The following SLC4A2 variants were observed in gnomAD, a reference collection of about 807,000 sequenced individuals.
The protein encoded by SLC4A2 is solute carrier family 4 member 2.
In SLC4A2, 36 loss-of-function variants were observed where a neutral mutation model predicts 115.0. The observed-to-expected ratio is 0.31, with a 90% confidence interval of 0.24 to 0.41. The LOEUF is 0.41. SLC4A2 is among the 10% of genes least tolerant of loss of function. The probability of loss-of-function intolerance (pLI) is 1.00; values close to 1 mark genes in which losing one functional copy is unlikely to be tolerated. For missense variants in SLC4A2, 1,252 were observed against 1,705.6 expected, an observed-to-expected ratio of 0.73 and a Z score of 4.68; for synonymous variants, 708 against 708.3, an observed-to-expected ratio of 1.00 and a Z score of 0.01.
In SLC4A2 at chr7:151,072,151, G is replaced by T; in HGVS notation, c.2535+15G>T. On this transcript the variant is annotated intron_variant, in intron 16 of 22. Coordinates refer to ENST00000413384, the MANE Select transcript of SLC4A2 (RefSeq NM_003040.4). ...AGCTGGTGAAGGTGGGCAGGCCCCT[G>T]CCGAGAGCTGGGCCAGGAGGGCCGA... 6.2e-7 allele frequency: 1 copy of T among 1,609,362 alleles called. No homozygotes were observed. Among genetic ancestry groups the T allele is most frequent in the South Asian group, 1.1e-5 (1 of 90,994 alleles).
chr7:151,065,264 C>T (rs1417666171), intron 5 of SLC4A2, among the ~76,000 whole-genome samples: 1 of 152,182 alleles, frequency 6.6e-6, no homozygotes, highest in Non-Finnish European at 1.5e-5. Flanking sequence ...AAGCTGCCTC[C>T]CACCCCTGCC....
chr7:151,069,900 G>A, intron 8 of SLC4A2, 47 bp from the exon 9 acceptor site: 1 of 1,612,608 alleles, frequency 6.2e-7, no homozygotes, highest in Non-Finnish European at 8.5e-7. Context: ...TCCTGCCACT[G>A]TTTTGTGACC....
rs376486251 is a variant in SLC4A2 at position 151,076,004 on chromosome 7, G to A, written c.3472-9G>A. 80 of 1,573,638 alleles carry A rather than the reference G, an allele frequency of 5.1e-5. No individual in the cohort carries two copies. Among genetic ancestry groups the A allele is most frequent in the Admixed American group, 3.5e-4 (19 of 54,954 alleles). ...GAGGAAGCTGGGCTCACCTGTCTCC[G>A]CCCCCCAGGTCCGGACCCTCCGTAT... On this transcript the variant is annotated splice_polypyrimidine_tract_variant and intron_variant, in intron 21 of 22. Coordinates refer to ENST00000413384, the MANE Select transcript of SLC4A2 (RefSeq NM_003040.4).
intron 16 of SLC4A2, among the ~76,000 whole-genome samples, chr7:151,072,491 G>T (rs952127910): frequency 6.6e-6 from 1 of 151,908 alleles, no homozygotes; most frequent in Non-Finnish European, 1.5e-5. Flanking sequence ...GGGTTTCACC[G>T]TATTGGTGAG....
intron 16 of SLC4A2, 130 bp from the exon 17 acceptor site, chr7:151,073,909 C>A: frequency 9.9e-7 from 1 of 1,005,720 alleles, no homozygotes; most frequent in Non-Finnish European, 1.5e-6. Context: ...TGTCTTAATT[C>A]AACAAGACAA....
intron 2 of SLC4A2, among the ~76,000 whole-genome samples, 174 bp from the exon 3 acceptor site, chr7:151,064,028 C>T (rs1250932711): frequency 6.6e-6 from 1 of 151,622 alleles, no homozygotes; most frequent in Non-Finnish European, 1.5e-5. Context: ...TGTGCCTGGC[C>T]TGGGTCCCTA....
At position 151,070,579 on chromosome 7, in the gene SLC4A2, G is replaced by A. The variant is rs758993323; in HGVS notation, c.1564+8G>A. The A allele has an allele frequency of 4.3e-6, 7 of 1,610,910 alleles. No homozygotes were observed. In the East Asian group the frequency reaches 8.9e-5, roughly 21 times the overall value. The stretch of plus-strand genomic sequence containing the variant: ...CCACGGTGGTCCTTGTGGGTATGTG[G>A]GGCAGGTCACATGTAGGGGGCTTGG... On this transcript the variant is annotated splice_region_variant and intron_variant, in intron 11 of 22. Coordinates refer to ENST00000413384, the MANE Select transcript of SLC4A2 (RefSeq NM_003040.4).
intron 21 of SLC4A2, 65 bp from the exon 22 acceptor site, chr7:151,075,943 GAAGAA>G (rs1481853973): frequency 2.0e-6 from 3 of 1,504,204 alleles, no homozygotes; most frequent in Non-Finnish European, 2.7e-6. Flanking sequence ...CCCCGCCTCC[GAAGAA>G]GAGAGAGGCT....
chr7:151,062,421 ACGCCCCCTGCCCACGTGCCACCCAGGCC>A, intron 2 of SLC4A2: 1 of 880,332 alleles, frequency 1.1e-6, no homozygotes, highest in Non-Finnish European at 1.6e-6. Flanking sequence ...ACGACTGGCC[ACGCCCCCTGCCCACGTGCCACCCAGGCC>A]CGCCCCTCCC....
Position 151,064,728 on chromosome 7 carries a change from C to T in SLC4A2, c.420C>T (p.Leu140=). The T allele has an allele frequency of 1.9e-6, 3 of 1,611,906 alleles. No individual in the cohort carries two copies. The highest frequency in any genetic ancestry group is 1.7e-5 in the Admixed American group (1 of 59,908). ...EASEAEGARA[L]TQPSPVSTPS... is the part of the protein sequence containing the mutation. ...GCGAGGCTGAGGGGGCCCGGGCTCT[C>T]ACTCAGCCGTCCCCTGTCTCCACAC... is the stretch of plus-strand genomic sequence containing the variant. Residue 140 remains leucine, a synonymous_variant, in exon 4 of 23, where the codon CTC becomes CTT. Coordinates refer to ENST00000413384, the MANE Select transcript of SLC4A2 (RefSeq NM_003040.4).
chr7:151,075,620 A>G lies in SLC4A2; in HGVS notation c.3316A>G (p.Ile1106Val), dbSNP rs1212713488. The change falls in exon 21 of 23, where the codon ATC (isoleucine) becomes GTC (valine). Residue 1106 changes from isoleucine (I) to valine (V), a missense_variant. Ile to Val is a conservative substitution (Grantham distance 29). Coordinates refer to ENST00000413384, the MANE Select transcript of SLC4A2 (RefSeq NM_003040.4). ...GCCTCCCGTAGGCCTCTCCATAGTT[A>G]TCGGGGATCTGCTCCGGCAGATCCC... is the stretch of plus-strand genomic sequence containing the variant. ...VALLVGLSIV[I>V]GDLLRQIPLA... The G allele has an allele frequency of 6.3e-7, 1 of 1,594,220 alleles. No individual in the cohort carries two copies. The highest frequency in any genetic ancestry group is 1.7e-5 in the Admixed American group (1 of 58,616).
rs34812156 is a variant in SLC4A2, at chr7:151,063,161, C to T, written c.52-1041C>T. ...TTCCCTGCCGGCTGTGCCGGCCGGC[C>T]GCTGCTCCGCGCCCGCAGGATGACT... On this transcript the variant is annotated intron_variant, in intron 2 of 22. Transcript: ENST00000413384. The T allele has an allele frequency of 2.8e-6, 4 of 1,418,574 alleles. No individual in the cohort carries two copies. In the African/African-American group the frequency reaches 4.5e-5, roughly 16 times the overall value. The allele number at this position is 1,418,574 out of a possible 1,614,324, so 87.9% of individuals were successfully genotyped here.
intron 2 of SLC4A2, chr7:151,062,617 T>C: frequency 6.6e-7 from 1 of 1,515,884 alleles, no homozygotes; most frequent in Non-Finnish European, 8.8e-7. Flanking sequence ...TCCCCCTCCT[T>C]CTCAGGTTCA....
chr7:151,074,912 C>T, intron 19 of SLC4A2, 71 bp downstream of exon 19: 1 of 1,442,046 alleles, frequency 6.9e-7, no homozygotes, highest in African/African-American at 1.4e-5. Flanking sequence ...CAGCATGGAA[C>T]CTCCAGCCAC....
intron 8 of SLC4A2, among the ~76,000 whole-genome samples, chr7:151,068,785 G>A (rs964291699): frequency 1.3e-5 from 2 of 151,762 alleles, no homozygotes; most frequent in Admixed American, 1.3e-4. Context: ...CTCCCAAAAT[G>A]TTGGGAATAC....
intron 1 of SLC4A2, chr7:151,061,686 C>T (rs947439531): frequency 4.8e-6 from 2 of 419,576 alleles, no homozygotes; most frequent in Non-Finnish European, 8.6e-6. Context: ...CACCTCCTCT[C>T]TCCTCCTCCC....
rs746798834 is a variant in SLC4A2 at position 151,069,906 on chromosome 7, T to C, written c.1148-41T>C. The C allele has an allele frequency of 1.7e-5, 27 of 1,612,660 alleles. No homozygotes were observed. In the African/African-American group the frequency reaches 3.6e-4, roughly 22 times the overall value. The stretch of plus-strand genomic sequence containing the variant: ...CATCCCATCTCCTGCCACTGTTTTG[T>C]GACCTGGGGCTGAGGGGCCCTCTGT... On this transcript the variant is annotated intron_variant, in intron 8 of 22. Coordinates refer to ENST00000413384, the MANE Select transcript of SLC4A2 (RefSeq NM_003040.4).
chr7:151,068,881 TATA>T (rs1420011232), intron 8 of SLC4A2, among the ~76,000 whole-genome samples: 1 of 151,592 alleles, frequency 6.6e-6, no homozygotes, highest in Non-Finnish European at 1.5e-5. Flanking sequence ...GGCTCATGCC[TATA>T]ATCCCAGCAC....
At position 151,076,433 on chromosome 7, in the gene SLC4A2, C is replaced by A; in HGVS notation, c.*66C>A. On this transcript the variant is annotated 3_prime_UTR_variant, in exon 23 of 23. Coordinates refer to ENST00000413384, the MANE Select transcript of SLC4A2 (RefSeq NM_003040.4). The stretch of plus-strand genomic sequence containing the variant: ...ACAGGCTGGTGGGATGGGGTTCCCC[C>A]TCCCATGCCCCTCCCTCCTTTTTAT... 2.5e-5 allele frequency: 29 copies of A among 1,171,296 alleles called. No individual in the cohort carries two copies. Among genetic ancestry groups the A allele is most frequent in the Non-Finnish European group, 3.3e-5 (28 of 856,642 alleles). The allele number at this position is 1,171,296 out of a possible 1,614,324, so 72.6% of individuals were successfully genotyped here. A position where few individuals can be genotyped will look rare whatever the true frequency, so the allele number is the denominator to read the frequency against.
Sources: allele counts gnomAD v4.1 joint callset (sites outside exome capture counted in the v4.1 genomes callset), GRCh38; gene constraint gnomAD v4.1.1; transcripts MANE v1.5; gene names NCBI Gene and HGNC (gene_info 2026-07-23, HGNC 2026-07-21).